Variants in EVC2 observed in about 807,000 individuals in gnomAD.
EVC2 encodes the protein limbin.
EVC2 carries 148 observed loss-of-function variants against 149.3 expected under a neutral mutation model. That is an observed-to-expected ratio of 0.99 (90% confidence interval 0.87 to 1.14). EVC2 has a LOEUF of 1.14. Ranked by LOEUF, EVC2 falls within the 50% of genes most tolerant of loss-of-function variation. The probability of loss-of-function intolerance (pLI) is 0.00; values close to 1 mark genes in which losing one functional copy is unlikely to be tolerated. For synonymous variants in EVC2, 776 were observed against 649.9 expected (o/e 1.19, Z -2.95); for missense variants, 1,854 against 1,627.3 (o/e 1.14, Z -2.40).
At chr4:5,548,904 T>C (rs1721676559) in intron 21 of EVC2, among the ~76,000 whole-genome samples, 1 of 152,214 alleles carries the variant, frequency 6.6e-6, no homozygotes, top group South Asian at 2.1e-4. Flanking sequence ...TTGTTGTTTT[T>C]ATTTATATGT....
Position 5,696,920 on chromosome 4 carries a change from C to A in EVC2, c.283+673G>T, listed in dbSNP as rs543718207. ...GCAAATGTGATTCCATTAAGGGCTT[C>A]GAGATGGGGAGATTGCCTGGATTAT... On this transcript the variant is annotated intron_variant, in intron 2 of 21. Transcript: ENST00000344408. The surrounding 1 kb of genome is among the most constrained non-coding windows in gnomAD (Gnocchi z 4.1). 6.6e-6 allele frequency among the ~76,000 whole-genome samples: 1 copy of A among 152,076 alleles called. No individual in the cohort carries two copies. The highest frequency in any genetic ancestry group is 1.5e-5 in the Non-Finnish European group (1 of 68,020).
intron 1 of EVC2, among the ~76,000 whole-genome samples, chr4:5,700,094 G>T (rs139483058): frequency 0.016 from 2,369 of 152,056 alleles, 58 homozygotes; most frequent in African/African-American, 0.054. Flanking sequence ...GAGTGGAGAT[G>T]GCGCCACTGC....
Position 5,667,830 on chromosome 4 carries a change from A to C in EVC2, c.871-2181T>G, listed in dbSNP as rs185479206. 4.3e-3 allele frequency among the ~76,000 whole-genome samples: 654 copies of C among 152,278 alleles called. 5 individuals are homozygous for C. The highest frequency in any genetic ancestry group is 0.015 in the African/African-American group (618 of 41,550). On this transcript the variant is annotated intron_variant, in intron 7 of 21. Coordinates refer to ENST00000344408, the MANE Select transcript of EVC2 (RefSeq NM_147127.5). ...TGCCTGGCATGTACCAAAATTTCATACTCCAAGAAAAACAGCAGGTAATCA... is the reference window on the plus strand; with the variant it reads ...TGCCTGGCATGTACCAAAATTTCATCCTCCAAGAAAAACAGCAGGTAATCA...
chr4:5,703,022 C>T (rs1289521011), intron 1 of EVC2, among the ~76,000 whole-genome samples: 1 of 152,160 alleles, frequency 6.6e-6, no homozygotes. Flanking sequence ...CTACATATTA[C>T]TATGTATTGC....
At position 5,685,481 on chromosome 4, in the gene EVC2, T is replaced by G. The variant is rs1302074641; in HGVS notation, c.707-2A>C. 1 of 1,613,916 alleles carries G rather than the reference T, an allele frequency of 6.2e-7. No individual in the cohort carries two copies. The highest frequency in any genetic ancestry group is 8.5e-7 in the Non-Finnish European group (1 of 1,179,908). Reference sequence around the variant, plus strand: ...AGCTGACAGCAAAGGCATCTCCCACTGCGCAGAGAAAAGCACATGTGACTC... The same window carrying G: ...AGCTGACAGCAAAGGCATCTCCCACGGCGCAGAGAAAAGCACATGTGACTC... On this transcript the variant is annotated splice_acceptor_variant, in intron 5 of 21. Coordinates refer to ENST00000344408, the MANE Select transcript of EVC2 (RefSeq NM_147127.5). LOFTEE classifies it high-confidence loss of function.
At chr4:5,592,052 T>A (rs1449182990) in intron 16 of EVC2, among the ~76,000 whole-genome samples, 6 of 152,168 alleles carry the variant, frequency 3.9e-5, no homozygotes, top group African/African-American at 1.4e-4. Flanking sequence ...GTTTAATAAA[T>A]CACACCTCTC....
Position 5,624,364 on chromosome 4 carries a change from G to A in EVC2, c.2047-1373C>T, listed in dbSNP as rs73198160. Among the ~76,000 whole-genome samples, 538 of 152,236 alleles carry A rather than the reference G, an allele frequency of 3.5e-3. 2 individuals carry two copies. The highest frequency in any genetic ancestry group is 6.1e-3 in the Non-Finnish European group (416 of 68,026). On this transcript the variant is annotated intron_variant, in intron 13 of 21. Transcript: ENST00000344408. ...CTCAAACCAGCACTCCTATTCCCTT[G>A]CCCAGGCAGACATTACTAGTCTACC... is the stretch of plus-strand genomic sequence containing the variant.
At chr4:5,565,447 G>T in intron 20 of EVC2, 88 bp from the exon 21 acceptor site, 2 of 1,214,336 alleles carry the variant, frequency 1.6e-6, no homozygotes, top group Non-Finnish European at 2.4e-6. Context: ...GAGGCGGGCA[G>T]ATCACCTGAG....
chr4:5,540,650 T>C (rs1281709660), downstream of EVC2, among the ~76,000 whole-genome samples: 2 of 152,146 alleles, frequency 1.3e-5, no homozygotes, highest in African/African-American at 4.8e-5. Flanking sequence ...TACCTGGGTG[T>C]GGGCAAGGGG....
chr4:5,643,343 C>T (rs535988447), intron 9 of EVC2, among the ~76,000 whole-genome samples: 2 of 152,284 alleles, frequency 1.3e-5, no homozygotes, highest in South Asian at 4.2e-4. Context: ...AAAAATAGAC[C>T]TGGTTAAAAT....
rs1018749523 is a variant in EVC2, at chr4:5,633,606, G to T, written c.1471-1574C>A. 6.6e-6 allele frequency among the ~76,000 whole-genome samples: 1 copy of T among 152,244 alleles called. No individual in the cohort carries two copies. Among genetic ancestry groups the T allele is most frequent in the African/African-American group, 2.4e-5 (1 of 41,464 alleles). On this transcript the variant is annotated intron_variant, in intron 10 of 21. Transcript: ENST00000344408. This position sits in a 1 kb window ranked among gnomAD's most constrained non-coding sequence, Gnocchi z 4.4. ...CGAAGGCAGGGAAAGGCTTACGCGT[G>T]CAGGATGCGTGGGTACAGCCATCCC... is the stretch of plus-strand genomic sequence containing the variant.
At chr4:5,530,193 C>A in the EVC2 span, among the ~76,000 whole-genome samples, 1 of 152,278 alleles carries the variant, frequency 6.6e-6, no homozygotes, top group Admixed American at 6.5e-5. Flanking sequence ...TAAGTCCTTA[C>A]CTGTAGGGGC....
intron 9 of EVC2, among the ~76,000 whole-genome samples, chr4:5,652,631 A>C (rs1310817979): frequency 6.6e-6 from 1 of 152,162 alleles, no homozygotes; most frequent in Non-Finnish European, 1.5e-5. Flanking sequence ...GCTGGTGGAT[A>C]AAAACCCCAG....
chr4:5,708,553 C>T lies in EVC2; in HGVS notation c.-40G>A. On this transcript the variant is annotated 5_prime_UTR_variant, in exon 1 of 22. Transcript: ENST00000344408. ...CGCTACCTCAAAGCGGCGGGTGCCG[C>T]CGAGTCGCTGGAGCTTCCGGACCCC... The T allele has an allele frequency of 2.2e-6, 3 of 1,362,242 alleles. No individual in the cohort carries two copies. Among genetic ancestry groups the T allele is most frequent in the Non-Finnish European group, 2.9e-6 (3 of 1,051,418 alleles). The allele number at this position is 1,362,242 out of a possible 1,614,324, so 84.4% of individuals were successfully genotyped here.
At chr4:5,706,397 GATAGATAGATAGATAC>G (rs1560243567) in intron 1 of EVC2, among the ~76,000 whole-genome samples, 3 of 38,440 alleles carry the variant, frequency 7.8e-5, no homozygotes, top group African/African-American at 2.1e-4. Context: ...TAGATACATA[GATAGATAGATAGATAC>G]ATAGATAGAT....
chr4:5,665,923 C>T lies in EVC2; in HGVS notation c.871-274G>A, dbSNP rs576623947. 2.0e-5 allele frequency among the ~76,000 whole-genome samples: 3 copies of T among 152,284 alleles called. No individual in the cohort carries two copies. In the East Asian group the frequency reaches 5.8e-4, roughly 29 times the overall value. ...ATCCAGCCGCACGCCTAGCACATCACAGACACTCAAGAATGTTAAGTTTCC... is the reference window on the plus strand; with the variant it reads ...ATCCAGCCGCACGCCTAGCACATCATAGACACTCAAGAATGTTAAGTTTCC... On this transcript the variant is annotated intron_variant, in intron 7 of 21. Coordinates refer to ENST00000344408, the MANE Select transcript of EVC2 (RefSeq NM_147127.5).
chr4:5,704,369 C>T (rs1172780155), intron 1 of EVC2, among the ~76,000 whole-genome samples: 1 of 151,918 alleles, frequency 6.6e-6, no homozygotes. Context: ...GCCTCTGGGC[C>T]CAGCAAGAAA....
chr4:5,650,669 A>C (rs7668589), intron 9 of EVC2, among the ~76,000 whole-genome samples: 7,260 of 139,570 alleles, frequency 0.052, 267 homozygotes, highest in Middle Eastern at 0.094. Context: ...AGAGAGAGAG[A>C]GAGCCATTTA....
At chr4:5,688,440 T>C (rs1356219179) in intron 5 of EVC2, among the ~76,000 whole-genome samples, 1 of 152,182 alleles carries the variant, frequency 6.6e-6, no homozygotes, top group Non-Finnish European at 1.5e-5. Context: ...TCTCAGCCAC[T>C]TTAGTCCCAG....
Sources: gnomAD v4.1 joint callset for allele counts (sites outside exome capture counted in the v4.1 genomes callset) on GRCh38, gnomAD v4.1.1 for gene constraint, Gnocchi (gnomAD v3.1) non-coding constraint, MANE v1.5 for transcripts, NCBI Gene and HGNC (gene_info 2026-07-23, HGNC 2026-07-21) for gene names.